The following ECE1 variants were observed in gnomAD, a reference collection of about 807,000 sequenced individuals.
The protein encoded by ECE1 is endothelin converting enzyme 1.
A neutral mutation model predicts 98.6 loss-of-function variants in ECE1; 35 were observed. That is an observed-to-expected ratio of 0.35 (90% CI 0.27 to 0.47). The LOEUF (loss-of-function observed/expected upper bound fraction) is 0.47. ECE1 is among the 20% of genes least tolerant of loss of function. ECE1 has a pLI of 1.00. For missense variants in ECE1, 814 were observed against 1,025.3 expected (o/e 0.79, Z 2.81); for synonymous variants, 394 against 407.1 (o/e 0.97, Z 0.39).
At position 21,225,534 on chromosome 1, in the gene ECE1, G is replaced by T; in HGVS notation, c.1850-94C>A. 7.1e-7 allele frequency: 1 copy of T among 1,403,054 alleles called. No homozygotes were observed. 86.9% of individuals were successfully genotyped at this position (1,403,054 alleles called of 1,614,324 possible). A position where few individuals can be genotyped will look rare whatever the true frequency, so the allele number is the denominator to read the frequency against. ...GCTCCTGGTGAGAAGCGGTTCATCC[G>T]TCCACCCCCGTCCTCCAGCCACCAT... On this transcript the variant is annotated intron_variant, in intron 16 of 18. Coordinates refer to ENST00000374893, the MANE Select transcript of ECE1 (RefSeq NM_001397.3). This position sits in a 1 kb window ranked among gnomAD's most constrained non-coding sequence, Gnocchi z 5.3.
intron 1 of ECE1, among the ~76,000 whole-genome samples, chr1:21,297,849 T>C (rs1473242647): frequency 2.1e-4 from 32 of 150,436 alleles, no homozygotes; most frequent in Admixed American, 2.1e-3. Context: ...GTTGTTTTTT[T>C]TTTTAAGAGA....
At position 21,290,316 on chromosome 1, in the gene ECE1, G is replaced by A; in HGVS notation, c.51+48C>T. On this transcript the variant is annotated intron_variant, in intron 1 of 18. Transcript: ENST00000374893. The surrounding 1 kb of genome is among the most constrained non-coding windows in gnomAD (Gnocchi z 7.3). ...CCACGGAGCGGCCCGCGCGGGGAGGGGTCCCGCCCGCCTCCCGCCCCCGCC... is the reference window on the plus strand; with the variant it reads ...CCACGGAGCGGCCCGCGCGGGGAGGAGTCCCGCCCGCCTCCCGCCCCCGCC... 1 of 1,227,616 alleles carries A rather than the reference G, an allele frequency of 8.1e-7. No homozygotes were observed. The highest frequency in any genetic ancestry group is 3.5e-5 in the South Asian group (1 of 28,264). 76.0% of individuals were successfully genotyped at this position (1,227,616 alleles called of 1,614,324 possible).
intron 1 of ECE1, among the ~76,000 whole-genome samples, chr1:21,301,108 A>G (rs1361514728): frequency 6.6e-6 from 1 of 152,108 alleles, no homozygotes; most frequent in Non-Finnish European, 1.5e-5. Flanking sequence ...CACAGGTGAA[A>G]AGCAGGAGTG....
At chr1:21,253,173 C>T (rs2098214954) in intron 8 of ECE1, among the ~76,000 whole-genome samples, 1 of 152,050 alleles carries the variant, frequency 6.6e-6, no homozygotes, top group Non-Finnish European at 1.5e-5. Context: ...TCTCCTGCCT[C>T]AGCCTACCGA....
chr1:21,248,349 T>C (rs559660549), intron 8 of ECE1, among the ~76,000 whole-genome samples: 7 of 152,212 alleles, frequency 4.6e-5, no homozygotes, highest in Admixed American at 2.6e-4. Flanking sequence ...AATTTTCGTA[T>C]TTTTAGTAGA....
chr1:21,321,903 A>G (rs1243667981), intron 1 of ECE1, among the ~76,000 whole-genome samples: 1 of 152,172 alleles, frequency 6.6e-6, no homozygotes, highest in Non-Finnish European at 1.5e-5. Flanking sequence ...GGCATGAGCC[A>G]CCGTGCCCAC....
At chr1:21,292,265 GCCC>G (rs1309367086), upstream of ECE1, among the ~76,000 whole-genome samples, 4 of 152,142 alleles carry the variant, frequency 2.6e-5, no homozygotes, top group African/African-American at 9.6e-5. Flanking sequence ...CATGGCCCCT[GCCC>G]ACTCTGGGCC....
chr1:21,258,832 C>T lies in ECE1; in HGVS notation c.623G>A (p.Gly208Asp). The change falls in exon 6 of 19, where the codon GGC becomes GAC. Residue 208 changes from glycine (G) to aspartate (D), a missense_variant. Coordinates refer to ENST00000374893, the MANE Select transcript of ECE1 (RefSeq NM_001397.3). This position sits in a 1 kb window ranked among gnomAD's most constrained non-coding sequence, Gnocchi z 4.2. ...GGCCCAGGGACCTGTGATGTTCCAG[C>T]CCCCGAGCTGTGGGGAGGGAGAGCA... Reference protein sequence around the residue: ...PLMELIERLGGWNITGPWAKD... With the variant: ...PLMELIERLGDWNITGPWAKD... 2 of 1,614,110 alleles carry T rather than the reference C, an allele frequency of 1.2e-6. No homozygotes were observed. The highest frequency in any genetic ancestry group is 1.7e-6 in the Non-Finnish European group (2 of 1,180,020).
intron 1 of ECE1, among the ~76,000 whole-genome samples, chr1:21,342,779 G>A (rs549299787): frequency 6.6e-6 from 1 of 152,230 alleles, no homozygotes; most frequent in African/African-American, 2.4e-5. Context: ...GATCAGTCCC[G>A]AATCACCCCT....
chr1:21,314,100 A>G (rs879922512), intron 1 of ECE1, among the ~76,000 whole-genome samples: 1 of 152,220 alleles, frequency 6.6e-6, no homozygotes, highest in Admixed American at 6.5e-5. Context: ...TGTGTTTTCT[A>G]ATTAACCATA....
At chr1:21,283,163 A>T (rs896766380) in intron 2 of ECE1, among the ~76,000 whole-genome samples, 1 of 151,910 alleles carries the variant, frequency 6.6e-6, no homozygotes, top group Admixed American at 6.6e-5. Flanking sequence ...GGATGGTCTC[A>T]ATCAATCTCC....
rs77838736 is a variant in ECE1 at position 21,258,016 on chromosome 1, G to C, written c.763-426C>G. On this transcript the variant is annotated intron_variant, in intron 6 of 18. Coordinates refer to ENST00000374893, the MANE Select transcript of ECE1 (RefSeq NM_001397.3). This position sits in a 1 kb window ranked among gnomAD's most constrained non-coding sequence, Gnocchi z 4.2. Reference sequence around the variant, plus strand: ...AACCTAACCTTCAGAGCTAGAATGGGGATTCAAGAAGACAGTGCTGGTCAA... The same window carrying C: ...AACCTAACCTTCAGAGCTAGAATGGCGATTCAAGAAGACAGTGCTGGTCAA... 3.7e-3 allele frequency among the ~76,000 whole-genome samples: 569 copies of C among 152,318 alleles called. 5 individuals carry two copies. Among genetic ancestry groups the C allele is most frequent in the African/African-American group, 0.013 (549 of 41,578 alleles).
rs2098222801 is a variant in ECE1, at chr1:21,258,548, C to T, written c.762+145G>A. On this transcript the variant is annotated intron_variant, in intron 6 of 18. Transcript: ENST00000374893. This position sits in a 1 kb window ranked among gnomAD's most constrained non-coding sequence, Gnocchi z 4.2. ...GCCTGCAAAGATCTCACCAGTGGGG[C>T]CTCTGGAAATAACCCAGGCTCAGAA... 7.7e-7 allele frequency: 1 copy of T among 1,295,706 alleles called. No homozygotes were observed. The highest frequency in any genetic ancestry group is 1.3e-5 in the South Asian group (1 of 77,486). 80.3% of individuals were successfully genotyped at this position (1,295,706 alleles called of 1,614,324 possible). A position where few individuals can be genotyped will look rare whatever the true frequency, so the allele number is the denominator to read the frequency against.
At chr1:21,242,165 A>C (rs544005343) in intron 10 of ECE1, among the ~76,000 whole-genome samples, 20 of 152,166 alleles carry the variant, frequency 1.3e-4, no homozygotes, top group Non-Finnish European at 2.8e-4. Context: ...CAAGGCAGGG[A>C]TCTGTTACCC....
At chr1:21,298,867 G>A (rs1447525725) in intron 1 of ECE1, 2 of 456,280 alleles carry the variant, frequency 4.4e-6, no homozygotes, top group Admixed American at 4.7e-5. Flanking sequence ...GGTTTAAGGG[G>A]CTGAGTTGTC....
chr1:21,293,796 C>T (rs991664407), upstream of ECE1: 2 of 152,434 alleles, frequency 1.3e-5, no homozygotes, highest in African/African-American at 2.4e-5. Context: ...GCCTTCCATT[C>T]ACTACCCCAA....
At chr1:21,315,662 C>T (rs539907705) in intron 1 of ECE1, among the ~76,000 whole-genome samples, 204 of 151,994 alleles carry the variant, frequency 1.3e-3, no homozygotes, top group African/African-American at 4.8e-3. Context: ...GGTGTGGTAG[C>T]GCATGCCTGT....
At chr1:21,341,465 A>G (rs1329447496) in intron 1 of ECE1, among the ~76,000 whole-genome samples, 1 of 152,268 alleles carries the variant, frequency 6.6e-6, no homozygotes, top group Non-Finnish European at 1.5e-5. Context: ...GAAAGTGTGG[A>G]CTTGGCCAAG....
Position 21,290,187 on chromosome 1 carries a change from C to G in ECE1, c.52-31G>C, listed in dbSNP as rs2098265159. ...AGGCCAAATGCAGCACGGACTCCCT[C>G]AGCGCCTCCATGGCTCTCGCGCCCG... On this transcript the variant is annotated intron_variant, in intron 1 of 18. Coordinates refer to ENST00000374893, the MANE Select transcript of ECE1 (RefSeq NM_001397.3). The surrounding 1 kb of genome is among the most constrained non-coding windows in gnomAD (Gnocchi z 7.3). The G allele has an allele frequency of 6.6e-7, 1 of 1,514,082 alleles. No individual in the cohort carries two copies. The allele number at this position is 1,514,082 out of a possible 1,614,324, so 93.8% of individuals were successfully genotyped here.
Sources: allele counts gnomAD v4.1 joint callset (sites outside exome capture counted in the v4.1 genomes callset), GRCh38; gene constraint gnomAD v4.1.1; non-coding constraint Gnocchi (gnomAD v3.1); transcripts MANE v1.5; gene names NCBI Gene and HGNC (gene_info 2026-07-23, HGNC 2026-07-21).